The following SLC25A21 variants were observed in gnomAD, a reference collection of about 807,000 sequenced individuals.
SLC25A21 encodes solute carrier family 25 member 21.
SLC25A21 carries 47 observed loss-of-function variants against 43.8 expected under a neutral mutation model. That is an observed-to-expected ratio of 1.07 (90% confidence interval 0.85 to 1.37). SLC25A21 has a LOEUF of 1.37. Ranked by LOEUF, SLC25A21 falls within the 40% of genes most tolerant of loss-of-function variation. The pLI is 0.00. For synonymous variants in SLC25A21, 131 were observed against 121.3 expected (o/e 1.08, Z -0.52); for missense variants, 352 against 350.2 (o/e 1.00, Z -0.04).
intron 1 of SLC25A21, among the ~76,000 whole-genome samples, chr14:37,157,175 G>A (rs149412342): frequency 4.5e-4 from 68 of 152,174 alleles, no homozygotes; most frequent in African/African-American, 1.6e-3. Flanking sequence ...TGGCCAACAT[G>A]GGGAAACACT....
At chr14:37,084,568 T>C (rs1594785185) in intron 1 of SLC25A21, among the ~76,000 whole-genome samples, 1 of 152,248 alleles carries the variant, frequency 6.6e-6, no homozygotes, top group Non-Finnish European at 1.5e-5. Context: ...TCTACCAAAA[T>C]ATGTTGTTAT....
At chr14:37,006,983 A>G (rs1225778277) in intron 1 of SLC25A21, among the ~76,000 whole-genome samples, 1 of 152,202 alleles carries the variant, frequency 6.6e-6, no homozygotes, top group Non-Finnish European at 1.5e-5. Context: ...GAACCAATCA[A>G]TTTTTAACAC....
chr14:36,746,420 G>A (rs1237136273), intron 3 of SLC25A21, among the ~76,000 whole-genome samples: 2 of 152,140 alleles, frequency 1.3e-5, no homozygotes, highest in Non-Finnish European at 2.9e-5. Flanking sequence ...CATACAGAGT[G>A]TAGAATAACA....
At chr14:37,145,944 G>A (rs1194232734) in intron 1 of SLC25A21, among the ~76,000 whole-genome samples, 1 of 151,986 alleles carries the variant, frequency 6.6e-6, no homozygotes, top group Admixed American at 6.6e-5. Context: ...GAATAAAATG[G>A]AACAGTACAT....
At chr14:37,050,378 CAGTA>C (rs1961678366) in intron 1 of SLC25A21, among the ~76,000 whole-genome samples, 1 of 152,100 alleles carries the variant, frequency 6.6e-6, no homozygotes, top group African/African-American at 2.4e-5. Flanking sequence ...CTCATGTATA[CAGTA>C]AGTAACTCAA....
At chr14:36,763,143 A>T (rs528787803) in intron 3 of SLC25A21, among the ~76,000 whole-genome samples, 26 of 152,228 alleles carry the variant, frequency 1.7e-4, no homozygotes, top group Non-Finnish European at 3.2e-4. Context: ...TGCTAACTAA[A>T]TTATATCTAA....
chr14:36,783,821 T>A (rs1001324204), intron 3 of SLC25A21, among the ~76,000 whole-genome samples: 1 of 152,108 alleles, frequency 6.6e-6, no homozygotes, highest in African/African-American at 2.4e-5. Flanking sequence ...GGTAGAAAAT[T>A]CCTGTCCTGC....
At chr14:36,715,905 A>G (rs995583172) in intron 6 of SLC25A21, among the ~76,000 whole-genome samples, 13 of 152,104 alleles carry the variant, frequency 8.5e-5, no homozygotes, top group African/African-American at 2.4e-4. Flanking sequence ...CAGCTGGCCA[A>G]TGTGGTGAAA....
At chr14:36,843,670 G>A (rs1889453914) in intron 2 of SLC25A21, among the ~76,000 whole-genome samples, 1 of 152,118 alleles carries the variant, frequency 6.6e-6, no homozygotes, top group Admixed American at 6.5e-5. Context: ...TGTCTCCTAA[G>A]AGTAAAGACA....
At chr14:36,817,274 C>T (rs758499513) in intron 2 of SLC25A21, among the ~76,000 whole-genome samples, 1 of 152,008 alleles carries the variant, frequency 6.6e-6, no homozygotes, top group South Asian at 2.1e-4. Flanking sequence ...GGCACTGGGT[C>T]GTCCAGGTGT....
chr14:37,020,786 C>T (rs1416466282), intron 1 of SLC25A21, among the ~76,000 whole-genome samples: 1 of 151,872 alleles, frequency 6.6e-6, no homozygotes. Context: ...GTTTCAAAAA[C>T]AGATTTTTAT....
chr14:36,717,096 C>T (rs1884173878), intron 6 of SLC25A21, among the ~76,000 whole-genome samples: 1 of 152,110 alleles, frequency 6.6e-6, no homozygotes, highest in Admixed American at 6.5e-5. Context: ...AGTTGCTCCA[C>T]CAAGGTAGGA....
chr14:36,776,855 T>C (rs1886854475), intron 3 of SLC25A21, among the ~76,000 whole-genome samples: 1 of 152,190 alleles, frequency 6.6e-6, no homozygotes, highest in Non-Finnish European at 1.5e-5. Context: ...ACACATCCTG[T>C]CTCAGAGAAT....
intron 6 of SLC25A21, among the ~76,000 whole-genome samples, chr14:36,723,987 C>T (rs1421040141): frequency 3.3e-5 from 5 of 152,172 alleles, no homozygotes; most frequent in Non-Finnish European, 7.3e-5. Flanking sequence ...GTAATTCTCC[C>T]AGTCCTACAA....
intron 3 of SLC25A21, among the ~76,000 whole-genome samples, chr14:36,805,895 G>A (rs143234328): frequency 9.8e-4 from 149 of 152,240 alleles, no homozygotes; most frequent in African/African-American, 3.3e-3. Flanking sequence ...GCTGGGAAAT[G>A]TAGTGAGAAG....
intron 1 of SLC25A21, among the ~76,000 whole-genome samples, chr14:36,978,523 C>T (rs1210662342): frequency 6.6e-6 from 1 of 152,160 alleles, no homozygotes; most frequent in Non-Finnish European, 1.5e-5. Flanking sequence ...GCTAAAAACT[C>T]AGTATCTGCA....
chr14:36,767,488 G>C (rs916254144), intron 3 of SLC25A21, among the ~76,000 whole-genome samples: 3 of 152,210 alleles, frequency 2.0e-5, no homozygotes, highest in African/African-American at 7.2e-5. Context: ...AGAGAAGCTA[G>C]GAAGATCAAG....
chr14:36,911,334 A>T (rs1891680966), intron 1 of SLC25A21, among the ~76,000 whole-genome samples: 1 of 151,896 alleles, frequency 6.6e-6, no homozygotes, highest in African/African-American at 2.4e-5. Context: ...TTATTAGACC[A>T]CAAGGAAGAA....
At chr14:36,724,199 C>CTTA (rs1884491644) in intron 6 of SLC25A21, among the ~76,000 whole-genome samples, 2 of 152,164 alleles carry the variant, frequency 1.3e-5, no homozygotes, top group Non-Finnish European at 2.9e-5. Flanking sequence ...GTATTTAAGA[C>CTTA]AATCTTTTGA....
Sources: gnomAD v4.1 joint callset for allele counts (sites outside exome capture counted in the v4.1 genomes callset) on GRCh38, gnomAD v4.1.1 for gene constraint, MANE v1.5 for transcripts, NCBI Gene and HGNC (gene_info 2026-07-23, HGNC 2026-07-21) for gene names.